ATRNL1: variants seen among roughly 807,000 people sequenced by gnomAD.
ATRNL1 encodes the protein attractin like 1.
A neutral mutation model predicts 182.7 loss-of-function variants in ATRNL1; 95 were observed. The ratio of observed to expected loss-of-function variants is 0.52; its 90% CI spans 0.44 to 0.62. The LOEUF (loss-of-function observed/expected upper bound fraction) is 0.62. ATRNL1 is among the 20% of genes least tolerant of loss of function. The pLI is 0.00. For missense variants in ATRNL1, 1,471 were observed against 1,679.5 expected, an observed-to-expected ratio of 0.88 and a Z score of 2.17; for synonymous variants, 576 against 568.3, an observed-to-expected ratio of 1.01 and a Z score of -0.19.
At chr10:115,868,822 C>CTTTTTTTTTTTTTTATTT (rs1951501929) in intron 28 of ATRNL1, among the ~76,000 whole-genome samples, 1 of 58,084 alleles carries the variant, frequency 1.7e-5, no homozygotes, top group Non-Finnish European at 3.2e-5. Context: ...AGTCTTTATT[C>CTTTTTTTTTTTTTTATTT]TTTTTTTTTT....
At chr10:115,884,241 T>G (rs1177890814) in intron 28 of ATRNL1, among the ~76,000 whole-genome samples, 2 of 152,246 alleles carry the variant, frequency 1.3e-5, no homozygotes, top group East Asian at 3.8e-4. Flanking sequence ...GAAGCCCTTA[T>G]AAACAGAATC....
intron 19 of ATRNL1, among the ~76,000 whole-genome samples, chr10:115,382,740 G>T (rs990235582): frequency 8.9e-5 from 13 of 145,556 alleles, no homozygotes; most frequent in African/African-American, 3.3e-4. Flanking sequence ...AGAATCTCCA[G>T]TACAAGCATA....
intron 1 of ATRNL1, among the ~76,000 whole-genome samples, chr10:115,108,631 C>T (rs1554866852): frequency 1.3e-5 from 2 of 152,198 alleles, no homozygotes; most frequent in Non-Finnish European, 2.9e-5. Flanking sequence ...ATCTTGTCTG[C>T]TCCTTACAAT....
chr10:115,944,655 C>T lies in ATRNL1; in HGVS notation c.4019-3C>T. Reference sequence around the variant, plus strand: ...ATTTAAATGCTTTTCTCTTTCCTTCCAGGCCTTGCAATTGCCAGTGCCCTA... The same window carrying T: ...ATTTAAATGCTTTTCTCTTTCCTTCTAGGCCTTGCAATTGCCAGTGCCCTA... On this transcript the variant is annotated splice_region_variant and splice_polypyrimidine_tract_variant and intron_variant, in intron 28 of 28. Coordinates refer to ENST00000355044, the MANE Select transcript of ATRNL1 (RefSeq NM_207303.4). The T allele has an allele frequency of 1.2e-6, 2 of 1,605,476 alleles. No homozygotes were observed. Among genetic ancestry groups the T allele is most frequent in the Non-Finnish European group, 1.7e-6 (2 of 1,175,046 alleles).
At chr10:115,700,735 T>G (rs1946708466) in intron 26 of ATRNL1, among the ~76,000 whole-genome samples, 1 of 152,106 alleles carries the variant, frequency 6.6e-6, no homozygotes. Flanking sequence ...GATAAAGAGT[T>G]CAATTCAACA....
At chr10:115,176,735 G>A (rs576505351) in intron 8 of ATRNL1, among the ~76,000 whole-genome samples, 3 of 152,052 alleles carry the variant, frequency 2.0e-5, no homozygotes, top group Admixed American at 2.0e-4. Context: ...ACGTGAGATA[G>A]CCACTAGATG....
intron 4 of ATRNL1, among the ~76,000 whole-genome samples, chr10:115,129,015 CT>C (rs1315109649): frequency 6.6e-6 from 1 of 152,000 alleles, no homozygotes; most frequent in African/African-American, 2.4e-5. Flanking sequence ...ACATTGAGTA[CT>C]TAAGTCTTTA....
intron 26 of ATRNL1, among the ~76,000 whole-genome samples, chr10:115,639,631 T>G (rs1294734534): frequency 1.3e-5 from 2 of 152,148 alleles, no homozygotes; most frequent in African/African-American, 4.8e-5. Context: ...GTGAACTACT[T>G]TAATTCATAT....
chr10:115,717,252 C>A (rs1947281000), intron 26 of ATRNL1, among the ~76,000 whole-genome samples: 1 of 152,060 alleles, frequency 6.6e-6, no homozygotes, highest in South Asian at 2.1e-4. Flanking sequence ...TTTCTTGTGC[C>A]ATTTTGTTCC....
At chr10:115,784,869 G>A (rs1555080066) in intron 27 of ATRNL1, among the ~76,000 whole-genome samples, 1 of 152,156 alleles carries the variant, frequency 6.6e-6, no homozygotes, top group African/African-American at 2.4e-5. Flanking sequence ...TCCAAGTAAG[G>A]TCACATTTTG....
intron 21 of ATRNL1, among the ~76,000 whole-genome samples, chr10:115,448,667 C>T (rs1023715190): frequency 5.3e-5 from 8 of 151,006 alleles, no homozygotes; most frequent in Admixed American, 2.6e-4. Flanking sequence ...AAGAAATAAC[C>T]GAAATTAGAG....
At chr10:115,773,527 A>G (rs1593196696) in intron 27 of ATRNL1, among the ~76,000 whole-genome samples, 4 of 152,336 alleles carry the variant, frequency 2.6e-5, no homozygotes, top group Admixed American at 2.6e-4. Context: ...TAGCCCAGTC[A>G]TAATGGATCT....
chr10:115,212,945 T>G (rs1849088720), intron 8 of ATRNL1, among the ~76,000 whole-genome samples: 1 of 152,088 alleles, frequency 6.6e-6, no homozygotes, highest in East Asian at 1.9e-4. Flanking sequence ...CAAACCCCCG[T>G]GACATAGATT....
chr10:115,168,655 A>G (rs914807360), intron 7 of ATRNL1, among the ~76,000 whole-genome samples: 1 of 151,998 alleles, frequency 6.6e-6, no homozygotes, highest in Non-Finnish European at 1.5e-5. Flanking sequence ...TTTTAAAATT[A>G]AGTTGTCCTT....
At chr10:115,796,824 T>TA (rs1555083047) in intron 27 of ATRNL1, among the ~76,000 whole-genome samples, 2 of 152,230 alleles carry the variant, frequency 1.3e-5, no homozygotes, top group Admixed American at 1.3e-4. Flanking sequence ...GCTAACAATA[T>TA]AAATTAAATC....
At chr10:115,364,733 T>C (rs1856936013) in intron 19 of ATRNL1, among the ~76,000 whole-genome samples, 1 of 151,854 alleles carries the variant, frequency 6.6e-6, no homozygotes, top group South Asian at 2.1e-4. Context: ...TCATGAAGGG[T>C]TGTTGAATTT....
intron 15 of ATRNL1, among the ~76,000 whole-genome samples, chr10:115,289,432 A>G (rs1424473516): frequency 6.6e-6 from 1 of 151,898 alleles, no homozygotes; most frequent in African/African-American, 2.4e-5. Flanking sequence ...TGTGCTTTTG[A>G]GGTCTTGTTC....
intron 1 of ATRNL1, among the ~76,000 whole-genome samples, chr10:115,115,743 G>A (rs1844456296): frequency 6.6e-6 from 1 of 151,970 alleles, no homozygotes; most frequent in East Asian, 1.9e-4. Flanking sequence ...AGGATTTATT[G>A]TTTCAGAGAT....
At chr10:115,458,191 TAA>T (rs1180439564) in intron 21 of ATRNL1, among the ~76,000 whole-genome samples, 1 of 152,152 alleles carries the variant, frequency 6.6e-6, no homozygotes, top group Non-Finnish European at 1.5e-5. Flanking sequence ...ATTTCAGCAT[TAA>T]GTTACATGTT....
Sources: allele counts gnomAD v4.1 joint callset (sites outside exome capture counted in the v4.1 genomes callset), GRCh38; gene constraint gnomAD v4.1.1; transcripts MANE v1.5; gene names NCBI Gene and HGNC (gene_info 2026-07-23, HGNC 2026-07-21).